Variants in PATJ observed in about 807,000 individuals in gnomAD.
PATJ encodes the protein inaD-like protein.
PATJ carries 190 observed loss-of-function variants against 224.9 expected under a neutral mutation model. That is an observed-to-expected ratio of 0.84 (90% CI 0.75 to 0.95). The LOEUF is 0.95. PATJ is among the 40% of genes least tolerant of loss of function. The pLI is 0.00. For missense variants in PATJ, 2,121 were observed against 2,270.3 expected (o/e 0.93, Z 1.34); for synonymous variants, 769 against 820.3 (o/e 0.94, Z 1.07).
chr1:61,989,646 C>G lies in PATJ; in HGVS notation c.3671-522C>G, dbSNP rs188787900. ...GTGCTCAGCTAATGTTTTTGCTTCC[C>G]TTTTTAGTGCGGGTGGGTTGGGGCA... On this transcript the variant is annotated intron_variant, in intron 27 of 43. Transcript: ENST00000642238. Among the ~76,000 whole-genome samples, 457 of 152,086 alleles carry G rather than the reference C, an allele frequency of 3.0e-3. 1 individual carries two copies. Among genetic ancestry groups the G allele is most frequent in the African/African-American group, 0.011 (443 of 41,506 alleles).
At chr1:61,871,748 G>C (rs1392408179) in intron 20 of PATJ, among the ~76,000 whole-genome samples, 3 of 150,852 alleles carry the variant, frequency 2.0e-5, no homozygotes, top group Non-Finnish European at 4.4e-5. Flanking sequence ...TTTTTTAGTA[G>C]AGATGGGGTT....
At chr1:62,148,179 A>T in intron 41 of PATJ, 105 bp from the exon 42 acceptor site, 2 of 661,874 alleles carry the variant, frequency 3.0e-6, no homozygotes, top group Non-Finnish European at 5.5e-6. Context: ...TGGTCTAGAT[A>T]AATTGAATAA....
chr1:62,052,072 G>A lies in PATJ; in HGVS notation c.4125+1014G>A, dbSNP rs143511424. 5.1e-3 allele frequency among the ~76,000 whole-genome samples: 770 copies of A among 152,050 alleles called. 1 individual carries two copies. The highest frequency in any genetic ancestry group is 0.018 in the African/African-American group (744 of 41,476). On this transcript the variant is annotated intron_variant, in intron 31 of 43. Transcript: ENST00000642238. Reference sequence around the variant, plus strand: ...CTGTTTTGTAGCCCAGCACTTCCAGGGTTAGACTACAAATTCTAGAAGAAA... The same window carrying A: ...CTGTTTTGTAGCCCAGCACTTCCAGAGTTAGACTACAAATTCTAGAAGAAA...
chr1:62,037,786 A>G (rs938030537), intron 29 of PATJ, among the ~76,000 whole-genome samples, 191 bp from the exon 30 acceptor site: 1 of 152,100 alleles, frequency 6.6e-6, no homozygotes, highest in African/African-American at 2.4e-5. Flanking sequence ...TGAGCTACAC[A>G]TATTTTTTAT....
At chr1:61,816,034 A>G (rs1656039350) in intron 14 of PATJ, among the ~76,000 whole-genome samples, 1 of 152,240 alleles carries the variant, frequency 6.6e-6, no homozygotes, top group Admixed American at 6.5e-5. Flanking sequence ...GTGGGAAACA[A>G]AAACACCAGG....
intron 22 of PATJ, among the ~76,000 whole-genome samples, chr1:61,888,393 C>T (rs1669171933): frequency 6.6e-6 from 1 of 152,140 alleles, no homozygotes; most frequent in African/African-American, 2.4e-5. Context: ...CCTCCCACCT[C>T]AGCCTCCTGA....
chr1:62,029,236 G>A (rs1411323114), intron 29 of PATJ, among the ~76,000 whole-genome samples: 5 of 152,224 alleles, frequency 3.3e-5, no homozygotes, highest in Non-Finnish European at 7.3e-5. Flanking sequence ...AGAAGAGGCA[G>A]AAATGCTTCT....
chr1:62,106,274 A>G lies in PATJ; in HGVS notation c.4378-2163A>G, dbSNP rs560948707. Among the ~76,000 whole-genome samples the G allele has an allele frequency of 2.8e-5, 4 of 142,804 alleles. 1 individual carries two copies. The highest frequency in any genetic ancestry group is 7.7e-5 in the African/African-American group (3 of 39,002). 93.7% of individuals were successfully genotyped at this position (142,804 alleles called of 152,430 possible). A position where few individuals can be genotyped will look rare whatever the true frequency, so the allele number is the denominator to read the frequency against. On this transcript the variant is annotated intron_variant, in intron 33 of 43. Transcript: ENST00000642238. The stretch of plus-strand genomic sequence containing the variant: ...TGCTTGAGCCCAGGAGGTTGAGACC[A>G]GCATGGGCAACATAGTGAGACCCCC...
intron 37 of PATJ, among the ~76,000 whole-genome samples, chr1:62,118,923 C>T (rs1262492104): frequency 6.6e-6 from 1 of 151,896 alleles, no homozygotes. Flanking sequence ...TGAGCCCCCG[C>T]GCCCAGCCGC....
intron 27 of PATJ, among the ~76,000 whole-genome samples, chr1:61,940,348 G>A (rs1307500177): frequency 2.0e-5 from 3 of 152,118 alleles, no homozygotes; most frequent in African/African-American, 7.2e-5. Context: ...GCTAGCAGAA[G>A]TGCTAGCTAC....
At position 62,076,090 on chromosome 1, in the gene PATJ, G is replaced by A. The variant is rs541354597; in HGVS notation, c.4126-3360G>A. 1.1e-4 allele frequency among the ~76,000 whole-genome samples: 16 copies of A among 152,098 alleles called. No homozygotes were observed. The South Asian group carries it at 3.3e-3, about 32-fold the overall frequency. The stretch of plus-strand genomic sequence containing the variant: ...CCCCCATCCCAGACCAAATAAACTG[G>A]CATCTAGGGATGTGGATCCCAGGCA... On this transcript the variant is annotated intron_variant, in intron 31 of 43. Coordinates refer to ENST00000642238, the MANE Select transcript of PATJ (RefSeq NM_001350145.3).
At chr1:61,775,755 G>A (rs892309453) in intron 7 of PATJ, among the ~76,000 whole-genome samples, 1 of 151,888 alleles carries the variant, frequency 6.6e-6, no homozygotes, top group Non-Finnish European at 1.5e-5. Flanking sequence ...AAAATTTATG[G>A]TCTTATAAGT....
intron 27 of PATJ, among the ~76,000 whole-genome samples, chr1:61,973,427 A>G (rs1252354018): frequency 6.6e-6 from 1 of 152,084 alleles, no homozygotes; most frequent in Non-Finnish European, 1.5e-5. Flanking sequence ...GCTATCAGTC[A>G]CTAAAGGAAC....
At chr1:61,779,911 G>T (rs1275521774) in intron 7 of PATJ, among the ~76,000 whole-genome samples, 1 of 151,934 alleles carries the variant, frequency 6.6e-6, no homozygotes, top group Non-Finnish European at 1.5e-5. Context: ...AGTGGTGGGT[G>T]GGGGGCAACT....
chr1:61,771,075 G>A (rs917904148), intron 5 of PATJ, among the ~76,000 whole-genome samples: 10 of 152,138 alleles, frequency 6.6e-5, no homozygotes, highest in Admixed American at 3.3e-4. Context: ...GTGTGGTATG[G>A]GTAGAGATCA....
intron 12 of PATJ, among the ~76,000 whole-genome samples, chr1:61,802,250 C>T (rs775571761): frequency 6.6e-6 from 1 of 152,012 alleles, no homozygotes; most frequent in Non-Finnish European, 1.5e-5. Flanking sequence ...CATGCCACCA[C>T]ACTGGGCTAA....
At chr1:61,810,022 CT>C (rs1570631224) in intron 14 of PATJ, among the ~76,000 whole-genome samples, 2 of 151,226 alleles carry the variant, frequency 1.3e-5, no homozygotes, top group African/African-American at 4.9e-5. Flanking sequence ...TAATTTTTTT[CT>C]TTTTTAAGTA....
At chr1:61,926,193 C>G (rs1675171609) in intron 26 of PATJ, among the ~76,000 whole-genome samples, 1 of 152,150 alleles carries the variant, frequency 6.6e-6, no homozygotes, top group Non-Finnish European at 1.5e-5. Context: ...ATCACCTGAT[C>G]TAGTTGTACA....
At chr1:61,797,556 A>AATACCC in intron 11 of PATJ, 128 bp downstream of exon 11, 1 of 739,636 alleles carries the variant, frequency 1.4e-6, no homozygotes, top group Non-Finnish European at 2.2e-6. Context: ...CTGATGGAGA[A>AATACCC]ATGAGTCAGC....
Sources: allele counts gnomAD v4.1 joint callset (sites outside exome capture counted in the v4.1 genomes callset), GRCh38; gene constraint gnomAD v4.1.1; transcripts MANE v1.5; gene names NCBI Gene and HGNC (gene_info 2026-07-23, HGNC 2026-07-21).